Variants in DSG1 observed in about 807,000 individuals in gnomAD.
DSG1 encodes desmoglein-1.
DSG1 carries 39 observed loss-of-function variants against 97.5 expected under a neutral mutation model. The ratio of observed to expected loss-of-function variants is 0.40; its 90% CI spans 0.31 to 0.52. The LOEUF (loss-of-function observed/expected upper bound fraction) is 0.52. Among genes scored for constraint, DSG1 ranks in the 20% least tolerant of loss-of-function variants. The pLI, the probability that DSG1 is intolerant of heterozygous loss-of-function variation, is 0.53. For missense variants in DSG1, 1,311 were observed against 1,295.4 expected (o/e 1.01, Z -0.18); for synonymous variants, 475 against 443.4 (o/e 1.07, Z -0.90).
chr18:31,352,821 C>T (rs1303799128), intron 14 of DSG1, among the ~76,000 whole-genome samples: 1 of 144,424 alleles, frequency 6.9e-6, no homozygotes, highest in Non-Finnish European at 1.5e-5. Context: ...TCAGCTCCAT[C>T]AGCTCCTTTA....
rs747381227 is a variant in DSG1, at chr18:31,326,854, C to A, written c.85-20C>A. 7 of 1,611,522 alleles carry A rather than the reference C, an allele frequency of 4.3e-6. No individual in the cohort carries two copies. The highest frequency in any genetic ancestry group is 3.3e-5 in the South Asian group (3 of 91,008). On this transcript the variant is annotated intron_variant, in intron 2 of 14. Transcript: ENST00000257192. ...GAATTCAAATTAATATATACCATTT[C>A]TTTATTGCTGTCATTTAAGGTAAGA...
chr18:31,325,962 A>G (rs2071683320), intron 1 of DSG1, among the ~76,000 whole-genome samples: 1 of 152,130 alleles, frequency 6.6e-6, no homozygotes, highest in African/African-American at 2.4e-5. Context: ...ATAACCTAAT[A>G]CCTAGCTATT....
chr18:31,338,319 G>A lies in DSG1; in HGVS notation c.1270G>A (p.Val424Ile). ...ATCATTTTCTTTCAAATACAGGTAT[G>A]TAATGGGAAATAATCCAGCTGACCT... ...TGRPSTTVRYVMGNNPADLLA... is the reference protein window; with the variant it reads ...TGRPSTTVRYIMGNNPADLLA... Residue 424 changes from valine to isoleucine, a missense_variant, in exon 10 of 15, where the codon GTA (valine) becomes ATA (isoleucine). Physicochemically the swap from Val to Ile is conservative, Grantham distance 29. This residue lies in a region of DSG1 where 1,038 missense variants were observed against 964.6 expected (regional missense o/e 1.08). Coordinates refer to ENST00000257192, the MANE Select transcript of DSG1 (RefSeq NM_001942.4). 2 of 1,613,566 alleles carry A rather than the reference G, an allele frequency of 1.2e-6. No individual in the cohort carries two copies. Among genetic ancestry groups the A allele is most frequent in the Non-Finnish European group, 1.7e-6 (2 of 1,179,688 alleles).
chr18:31,327,452 A>G (rs910205737), intron 3 of DSG1, among the ~76,000 whole-genome samples: 7 of 151,916 alleles, frequency 4.6e-5, no homozygotes, highest in African/African-American at 1.7e-4. Context: ...CTTCCTTTCT[A>G]CATACACACA....
chr18:31,355,208 C>T lies in DSG1; in HGVS notation c.3012C>T (p.Ser1004=). 1 of 1,602,988 alleles carries T rather than the reference C, an allele frequency of 6.2e-7. No homozygotes were observed. Among genetic ancestry groups the T allele is most frequent in the Non-Finnish European group, 8.5e-7 (1 of 1,173,250 alleles). ...TAAGTGGTGGTGGCATTGGCCTGAGCAGCTTGGGAGGGACAGCCAGCATTG... is the reference window on the plus strand; with the variant it reads ...TAAGTGGTGGTGGCATTGGCCTGAGTAGCTTGGGAGGGACAGCCAGCATTG... The part of the protein sequence containing the change: ...AGISGGGIGL[S]SLGGTASIGH... Residue 1004 remains serine (S), a synonymous_variant, in exon 15 of 15, where the codon AGC becomes AGT. Coordinates refer to ENST00000257192, the MANE Select transcript of DSG1 (RefSeq NM_001942.4).
In DSG1 at chr18:31,355,162, G is replaced by A. The variant is rs762516791; in HGVS notation, c.2966G>A (p.Gly989Asp). The change falls in exon 15 of 15, where the codon GGT becomes GAT. Residue 989 changes from glycine to aspartate, a missense_variant. This residue lies in a region of DSG1 where 1,038 missense variants were observed against 964.6 expected (regional missense o/e 1.08). Transcript: ENST00000257192. ...GGCACCAGCATGGGTGCTGGGAGCG[G>A]TGCCCTGAGTGGAGCTGGCATAAGT... Reference protein sequence around the residue: ...LVGTSMGAGSGALSGAGISGG... With the variant: ...LVGTSMGAGSDALSGAGISGG... The A allele has an allele frequency of 6.2e-7, 1 of 1,607,318 alleles. No homozygotes were observed. Among genetic ancestry groups the A allele is most frequent in the South Asian group, 1.1e-5 (1 of 89,956 alleles).
In DSG1 at chr18:31,328,269, C is replaced by T. The variant is rs763697283; in HGVS notation, c.297C>T (p.Ile99=). ...GVGIDQPPYG[I]FVINQKTGEI... ...GAATTGATCAGCCACCATATGGGATCTTTGTCATTAATCAGAAAACTGGTG... is the reference window on the plus strand; with the variant it reads ...GAATTGATCAGCCACCATATGGGATTTTTGTCATTAATCAGAAAACTGGTG... Residue 99 remains isoleucine, a synonymous_variant, in exon 4 of 15, where the codon ATC becomes ATT. Transcript: ENST00000257192. 6.2e-7 allele frequency: 1 copy of T among 1,613,602 alleles called. No homozygotes were observed. The highest frequency in any genetic ancestry group is 1.1e-5 in the South Asian group (1 of 91,076).
chr18:31,320,206 C>A (rs938925121), intron 1 of DSG1, among the ~76,000 whole-genome samples: 1 of 151,274 alleles, frequency 6.6e-6, no homozygotes, highest in South Asian at 2.1e-4. Flanking sequence ...TACTTTTTTT[C>A]TTCATAAAAC....
At chr18:31,321,649 T>C (rs989131827) in intron 1 of DSG1, among the ~76,000 whole-genome samples, 2 of 152,198 alleles carry the variant, frequency 1.3e-5, no homozygotes, top group African/African-American at 4.8e-5. Flanking sequence ...TGCCACAAAG[T>C]AAAAACATTT....
At chr18:31,343,316 T>A in intron 11 of DSG1, 134 bp from the exon 12 acceptor site, 2 of 1,274,084 alleles carry the variant, frequency 1.6e-6, no homozygotes, top group Non-Finnish European at 2.3e-6. Flanking sequence ...TCAGCTTGTA[T>A]TCTGAAACTT....
chr18:31,355,014 C>G lies in DSG1; in HGVS notation c.2818C>G (p.His940Asp). 1 of 1,614,210 alleles carries G rather than the reference C, an allele frequency of 6.2e-7. No individual in the cohort carries two copies. Among genetic ancestry groups the G allele is most frequent in the Non-Finnish European group, 8.5e-7 (1 of 1,180,030 alleles). ...CGGCATGATAGGTAGTCTGAGTATG[C>G]ACCCCGAGTTAGCCAATGCCCACAA... Reference protein sequence around the residue: ...TSGMIGSLSMHPELANAHNVI... With the variant: ...TSGMIGSLSMDPELANAHNVI... The change falls in exon 15 of 15, where the codon CAC becomes GAC. Residue 940 changes from histidine (H) to aspartate (D), a missense_variant. This residue lies in a region of DSG1 where 1,038 missense variants were observed against 964.6 expected (regional missense o/e 1.08). Transcript: ENST00000257192.
chr18:31,323,258 T>G (rs1382442616), intron 1 of DSG1, among the ~76,000 whole-genome samples: 1 of 152,126 alleles, frequency 6.6e-6, no homozygotes, highest in Admixed American at 6.5e-5. Context: ...CATTTGGGAA[T>G]CCAAACTTCT....
Position 31,336,521 on chromosome 18 carries a change from A to G in DSG1, c.1173A>G (p.Thr391=), listed in dbSNP as rs200888485. Residue 391 remains threonine, a synonymous_variant, in exon 9 of 15, where the codon ACA becomes ACG. Coordinates refer to ENST00000257192, the MANE Select transcript of DSG1 (RefSeq NM_001942.4). ...EGPVFRPGSK[T]YVVTGNMGSN... ...CAGTGTTTCGTCCAGGTTCAAAGACATATGTTGTAACTGGTAATATGGGAT... is the reference window on the plus strand; with the variant it reads ...CAGTGTTTCGTCCAGGTTCAAAGACGTATGTTGTAACTGGTAATATGGGAT... 2.8e-4 allele frequency: 454 copies of G among 1,613,938 alleles called. No homozygotes were observed. The highest frequency in any genetic ancestry group is 3.7e-4 in the Non-Finnish European group (442 of 1,179,946).
intron 11 of DSG1, among the ~76,000 whole-genome samples, chr18:31,343,108 C>A (rs1312339717): frequency 6.6e-6 from 1 of 152,008 alleles, no homozygotes; most frequent in Non-Finnish European, 1.5e-5. Flanking sequence ...GATAGGGTTT[C>A]ACCATGTTGC....
At chr18:31,330,120 A>T in intron 5 of DSG1, 84 bp downstream of exon 5, 1 of 1,488,222 alleles carries the variant, frequency 6.7e-7, no homozygotes. Context: ...ACACATCATG[A>T]ATGTAAGAGA....
At chr18:31,335,481 A>G (rs1301015613) in intron 8 of DSG1, among the ~76,000 whole-genome samples, 1 of 151,982 alleles carries the variant, frequency 6.6e-6, no homozygotes, top group Non-Finnish European at 1.5e-5. Flanking sequence ...TTGCCCAGAC[A>G]TATCATATAT....
intron 8 of DSG1, 117 bp downstream of exon 8, chr18:31,334,319 C>A: frequency 1.5e-6 from 1 of 682,644 alleles, no homozygotes; most frequent in Non-Finnish European, 2.5e-6. Context: ...ATAAAAATTA[C>A]TGTGTTTTAA....
chr18:31,332,222 A>G (rs866749240), intron 6 of DSG1, among the ~76,000 whole-genome samples: 3 of 152,144 alleles, frequency 2.0e-5, no homozygotes, highest in Admixed American at 6.6e-5. Context: ...ATGACTTGCT[A>G]TATGTCCACG....
At chr18:31,344,387 T>G (rs776194119) in intron 13 of DSG1, among the ~76,000 whole-genome samples, 7 of 152,278 alleles carry the variant, frequency 4.6e-5, no homozygotes, top group Middle Eastern at 3.4e-3. Flanking sequence ...ACAACCCAAC[T>G]AAAATAGAGC....
Sources: gnomAD v4.1 joint callset for allele counts (sites outside exome capture counted in the v4.1 genomes callset) on GRCh38, gnomAD v4.1.1 for gene constraint, gnomAD v4.1.1 regional missense constraint, MANE v1.5 for transcripts, NCBI Gene and HGNC (gene_info 2026-07-23, HGNC 2026-07-21) for gene names.